PIGU: variants seen among roughly 807,000 people sequenced by gnomAD.
PIGU encodes the protein phosphatidylinositol glycan anchor biosynthesis class U.
Under a neutral mutation model 49.9 loss-of-function variants are expected in PIGU, and 24 were observed. The observed-to-expected ratio is 0.48, with a 90% CI of 0.35 to 0.68. PIGU has a LOEUF of 0.68. Ranked by LOEUF, PIGU falls within the 30% of genes least tolerant of loss-of-function variation. The probability of loss-of-function intolerance (pLI) is 0.01; values close to 1 mark genes in which losing one functional copy is unlikely to be tolerated. For synonymous variants in PIGU, 220 were observed against 205.7 expected (o/e 1.07, Z -0.59); for missense variants, 490 against 532.6 (o/e 0.92, Z 0.79).
intron 7 of PIGU, among the ~76,000 whole-genome samples, chr20:34,591,040 AT>A (rs1213622467): frequency 1.2e-4 from 6 of 51,308 alleles, no homozygotes; most frequent in Non-Finnish European, 1.6e-4. Flanking sequence ...AGAAAAAAAA[AT>A]ATATATATAT....
Position 34,652,501 on chromosome 20 carries a change from C to T in PIGU, c.195+4679G>A, listed in dbSNP as rs1034323724. On this transcript the variant is annotated intron_variant, in intron 2 of 11. Transcript: ENST00000217446. ...GATCTTTATTATTTCTTTTAATCTGCTTACTTTGAGTATAATTTTATCTTT... is the reference window on the plus strand; with the variant it reads ...GATCTTTATTATTTCTTTTAATCTGTTTACTTTGAGTATAATTTTATCTTT... 4.7e-4 allele frequency among the ~76,000 whole-genome samples: 71 copies of T among 152,226 alleles called. 1 individual carries two copies. Among genetic ancestry groups the T allele is most frequent in the African/African-American group, 1.5e-3 (63 of 41,560 alleles).
chr20:34,599,346 G>C (rs901234830), intron 7 of PIGU, among the ~76,000 whole-genome samples: 1 of 152,028 alleles, frequency 6.6e-6, no homozygotes, highest in Non-Finnish European at 1.5e-5. Flanking sequence ...CCAGCTACTC[G>C]GGAGGCTGAG....
At chr20:34,666,957 C>T (rs1209303135) in intron 1 of PIGU, among the ~76,000 whole-genome samples, 1 of 152,054 alleles carries the variant, frequency 6.6e-6, no homozygotes, top group Non-Finnish European at 1.5e-5. Context: ...CTCGGCCTCC[C>T]AAAGTGCTGG....
chr20:34,571,496 T>C (rs1457788250), intron 11 of PIGU, among the ~76,000 whole-genome samples: 1 of 152,226 alleles, frequency 6.6e-6, no homozygotes, highest in Non-Finnish European at 1.5e-5. Context: ...CCTTGAAATC[T>C]GTACTCATCT....
In PIGU at chr20:34,668,483, A is replaced by AAAG. The variant is rs1412365978; in HGVS notation, c.130+8472_130+8473insCTT. On this transcript the variant is annotated intron_variant, in intron 1 of 11. Coordinates refer to ENST00000217446, the MANE Select transcript of PIGU (RefSeq NM_080476.5). ...TCTCAAAAAAAAAAAAAAAAAAAAA[A>AAAG]GGGGGGGGCGGGCGTGCTGGCTCAC... 3.1e-3 allele frequency among the ~76,000 whole-genome samples: 278 copies of AAAG among 88,622 alleles called. 12 individuals are homozygous for AAAG. Among genetic ancestry groups the AAAG allele is most frequent in the Admixed American group, 8.1e-3 (44 of 5,448 alleles). The allele number at this position is 88,622 out of a possible 152,430, so 58.1% of individuals were successfully genotyped here.
At chr20:34,628,114 C>T (rs1006604896) in intron 6 of PIGU, among the ~76,000 whole-genome samples, 30 of 152,262 alleles carry the variant, frequency 2.0e-4, no homozygotes, top group African/African-American at 7.0e-4. Context: ...CCTGAGTACA[C>T]AAACTATTTA....
intron 6 of PIGU, among the ~76,000 whole-genome samples, chr20:34,616,959 C>T (rs1489834472): frequency 6.6e-6 from 1 of 152,068 alleles, no homozygotes; most frequent in African/African-American, 2.4e-5. Flanking sequence ...AAAATACAAA[C>T]ATTAGCCAGG....
intron 2 of PIGU, among the ~76,000 whole-genome samples, chr20:34,651,350 C>G (rs1366916509): frequency 1.3e-5 from 2 of 152,226 alleles, no homozygotes; most frequent in African/African-American, 4.8e-5. Flanking sequence ...TTCTTGGTCT[C>G]TAGCCAGCCA....
intron 1 of PIGU, among the ~76,000 whole-genome samples, chr20:34,659,335 G>A (rs1249986629): frequency 5.1e-5 from 7 of 138,306 alleles, no homozygotes; most frequent in East Asian, 2.2e-4. Flanking sequence ...CAGCCGCCCC[G>A]TCCGGGAGGT....
intron 11 of PIGU, among the ~76,000 whole-genome samples, chr20:34,574,560 C>A (rs1326353382): frequency 6.6e-6 from 1 of 152,162 alleles, no homozygotes; most frequent in Non-Finnish European, 1.5e-5. Context: ...CCGCTCCCAG[C>A]CACACAATTT....
intron 5 of PIGU, 40 bp downstream of exon 5, chr20:34,637,836 A>G: frequency 6.3e-7 from 1 of 1,594,894 alleles, no homozygotes; most frequent in Non-Finnish European, 8.5e-7. Flanking sequence ...TTTTCCTCGC[A>G]TTTGTTGGCA....
At chr20:34,644,285 G>T in intron 3 of PIGU, 59 bp from the exon 4 acceptor site, 1 of 1,401,122 alleles carries the variant, frequency 7.1e-7, no homozygotes, top group Non-Finnish European at 1.0e-6. Context: ...GAGTACTAGA[G>T]TGCTACCAGG....
chr20:34,579,514 A>C (rs2146703820), intron 10 of PIGU: 1 of 152,342 alleles, frequency 6.6e-6, no homozygotes, highest in East Asian at 1.9e-4. Flanking sequence ...ACGTCTCAAC[A>C]CATACATCCC....
At chr20:34,624,794 C>A (rs1985392771) in intron 6 of PIGU, among the ~76,000 whole-genome samples, 1 of 152,190 alleles carries the variant, frequency 6.6e-6, no homozygotes, top group Non-Finnish European at 1.5e-5. Flanking sequence ...CCCCAGCCAA[C>A]ACTACAATAA....
chr20:34,648,960 T>C (rs147645672), intron 2 of PIGU, among the ~76,000 whole-genome samples: 1,673 of 152,110 alleles, frequency 0.011, 40 homozygotes, highest in African/African-American at 0.039. Flanking sequence ...CTCCGCCTCC[T>C]GGGTTCAAGT....
rs746336771 is a variant in PIGU at position 34,616,136 on chromosome 20, C to G, written c.533G>C (p.Ser178Thr). ...AAGAAAAATAGCACTGAGGAAAGCACTGCCTGTAAAAAGAAAGAAATGTAT... is the reference window on the plus strand; with the variant it reads ...AAGAAAAATAGCACTGAGGAAAGCAGTGCCTGTAAAAAGAAAGAAATGTAT... Reference protein sequence around the residue: ...AFFILTTIKGSAFLSAIFLAL... With the variant: ...AFFILTTIKGTAFLSAIFLAL... Residue 178 changes from serine to threonine, a missense_variant, in exon 7 of 12, where the codon AGT becomes ACT. By Grantham distance (58) the Ser-to-Thr change is moderately conservative. Transcript: ENST00000217446. 5.6e-6 allele frequency: 9 copies of G among 1,612,454 alleles called. No homozygotes were observed. The highest frequency in any genetic ancestry group is 1.7e-4 in the Middle Eastern group (1 of 6,054).
chr20:34,650,718 T>TG (rs1986515921), intron 2 of PIGU, among the ~76,000 whole-genome samples: 1 of 103,802 alleles, frequency 9.6e-6, no homozygotes, highest in Non-Finnish European at 2.0e-5. Context: ...TTTTTTTTTT[T>TG]TTTTTTTTTT....
intron 1 of PIGU, among the ~76,000 whole-genome samples, chr20:34,676,092 ACCCCATTACTCC>A (rs1327988796): frequency 2.8e-4 from 42 of 149,854 alleles, no homozygotes; most frequent in Admixed American, 2.6e-3. Context: ...CCTAGCTTCC[ACCCCATTACTCC>A]CCTGCTTTGG....
chr20:34,623,839 G>A (rs1458238414), intron 6 of PIGU, among the ~76,000 whole-genome samples: 1 of 152,174 alleles, frequency 6.6e-6, no homozygotes, highest in African/African-American at 2.4e-5. Flanking sequence ...ATTAGAATAA[G>A]CAGGCTTTGA....
Sources: allele counts gnomAD v4.1 joint callset (sites outside exome capture counted in the v4.1 genomes callset), GRCh38; gene constraint gnomAD v4.1.1; transcripts MANE v1.5; gene names NCBI Gene and HGNC (gene_info 2026-07-23, HGNC 2026-07-21).